The following HCFC2 variants were observed in gnomAD, a reference collection of about 807,000 sequenced individuals.
HCFC2 encodes host cell factor 2.
HCFC2 carries 18 observed loss-of-function variants against 89.2 expected under a neutral mutation model. The observed-to-expected ratio is 0.20, with a 90% CI of 0.14 to 0.30. The LOEUF (loss-of-function observed/expected upper bound fraction) is 0.30, where lower values mean the gene tolerates loss of function less well. Among genes scored for constraint, HCFC2 ranks in the 10% least tolerant of loss-of-function variants. HCFC2 has a pLI of 1.00. For missense variants in HCFC2, 578 were observed against 956.1 expected, an observed-to-expected ratio of 0.60 and a Z score of 5.21; for synonymous variants, 308 against 335.7, an observed-to-expected ratio of 0.92 and a Z score of 0.90.
chr12:104,106,406 CT>C lies in HCFC2; in HGVS notation c.*3136del, dbSNP rs2030085433. The stretch of plus-strand genomic sequence containing the variant: ...AAGTAGCTTGCAAAATAGACTTGGT[CT>C]TTGACCCTTTAAGGTGTAACTGACT... On this transcript the variant is annotated 3_prime_UTR_variant, in exon 15 of 15. Transcript: ENST00000229330. 1.3e-5 allele frequency: 2 copies of C among 152,234 alleles called. No individual in the cohort carries two copies. Among genetic ancestry groups the C allele is most frequent in the South Asian group, 4.1e-4 (2 of 4,824 alleles). 9.4% of individuals were successfully genotyped at this position (152,234 alleles called of 1,614,324 possible). A position where few individuals can be genotyped will look rare whatever the true frequency, so the allele number is the denominator to read the frequency against.
At chr12:104,081,456 A>G (rs2136608904) in intron 5 of HCFC2, among the ~76,000 whole-genome samples, 1 of 152,350 alleles carries the variant, frequency 6.6e-6, no homozygotes, top group Non-Finnish European at 1.5e-5. Flanking sequence ...TGTTACTACC[A>G]TCAACAAATT....
chr12:104,103,995 C>T lies in HCFC2; in HGVS notation c.*722C>T, dbSNP rs1261419455. On this transcript the variant is annotated 3_prime_UTR_variant, in exon 15 of 15. Coordinates refer to ENST00000229330, the MANE Select transcript of HCFC2 (RefSeq NM_013320.3). ...TATCTGGCCCTCATTTTCCTCATAA[C>T]AGATGAGGGAGTTAAAGCAGTTTAT... 6 of 152,048 alleles carry T rather than the reference C, an allele frequency of 3.9e-5. No individual in the cohort carries two copies. Among genetic ancestry groups the T allele is most frequent in the Admixed American group, 1.3e-4 (2 of 15,268 alleles). The allele number at this position is 152,048 out of a possible 1,614,324, so 9.4% of individuals were successfully genotyped here.
Position 104,086,873 on chromosome 12 carries a change from C to CAGCT in HCFC2, c.1091_1094dup (p.Ile366AlafsTer15). 6.2e-7 allele frequency: 1 copy of CAGCT among 1,613,824 alleles called. No homozygotes were observed. The highest frequency in any genetic ancestry group is 8.5e-7 in the Non-Finnish European group (1 of 1,179,782). ...GAAACCACCGGCACCATCTCAAGTA[C>CAGCT]AGCTGATCAAAGCCACTACCAACTC... On this transcript the variant is annotated frameshift_variant, in exon 8 of 15. Transcript: ENST00000229330. LOFTEE classifies it high-confidence loss of function.
intron 12 of HCFC2, among the ~76,000 whole-genome samples, chr12:104,096,775 A>G (rs1302497026): frequency 6.6e-6 from 1 of 152,156 alleles, no homozygotes; most frequent in Non-Finnish European, 1.5e-5. Flanking sequence ...ATATTTTTCT[A>G]TAATGCAATG....
chr12:104,087,427 GTGTGTGTGTGTGTGTA>G (rs1160126050), intron 8 of HCFC2, among the ~76,000 whole-genome samples: 4 of 109,734 alleles, frequency 3.6e-5, no homozygotes, highest in East Asian at 2.4e-4. Context: ...GTGTGTGTGT[GTGTGTGTGTGTGTGTA>G]TGTGTGTGTG....
Position 104,079,479 on chromosome 12 carries a change from C to G in HCFC2, c.508C>G (p.His170Asp), listed in dbSNP as rs202081777. The G allele has an allele frequency of 5.3e-5, 85 of 1,614,068 alleles. 1 individual carries two copies. The highest frequency in any genetic ancestry group is 4.2e-6 in the Non-Finnish European group (5 of 1,179,948). Residue 170 changes from histidine to aspartate, a missense_variant, in exon 4 of 15, where the codon CAT becomes GAT. Coordinates refer to ENST00000229330, the MANE Select transcript of HCFC2 (RefSeq NM_013320.3). ...TGATTTTTATGAGTTGGAGCTACAG[C>G]ATGGCTCTGGTGTTGTGGGTTGGAG... Reference protein sequence around the residue: ...LNDFYELELQHGSGVVGWSIP... With the variant: ...LNDFYELELQDGSGVVGWSIP...
chr12:104,084,863 G>T (rs1883789351), intron 7 of HCFC2, among the ~76,000 whole-genome samples: 1 of 152,180 alleles, frequency 6.6e-6, no homozygotes, highest in South Asian at 2.1e-4. Flanking sequence ...GCAAGTGAAA[G>T]AAAGGGAAGA....
Position 104,098,540 on chromosome 12 carries a change from C to A in HCFC2, c.1878+60C>A. On this transcript the variant is annotated intron_variant, in intron 13 of 14. Transcript: ENST00000229330. ...TAAGCCTCAAGGATGAGATTTTTCT[C>A]TACCAATAACTTAGGGAAAGGAAAA... 5 of 1,450,124 alleles carry A rather than the reference C, an allele frequency of 3.4e-6. No homozygotes were observed. The South Asian group carries it at 4.2e-5, about 12-fold the overall frequency. 89.8% of individuals were successfully genotyped at this position (1,450,124 alleles called of 1,614,324 possible).
chr12:104,093,018 A>G (rs1285235903), intron 9 of HCFC2, among the ~76,000 whole-genome samples: 2 of 152,156 alleles, frequency 1.3e-5, no homozygotes, highest in Non-Finnish European at 2.9e-5. Flanking sequence ...TATTTTTAGG[A>G]TACATGTCTG....
At chr12:104,081,037 G>A (rs1289158006) in intron 5 of HCFC2, among the ~76,000 whole-genome samples, 1 of 152,100 alleles carries the variant, frequency 6.6e-6, no homozygotes, top group Non-Finnish European at 1.5e-5. Context: ...TTACTTCTTT[G>A]CATTCCTTAT....
intron 4 of HCFC2, among the ~76,000 whole-genome samples, chr12:104,080,214 A>T (rs1482871530): frequency 2.0e-5 from 3 of 152,184 alleles, no homozygotes; most frequent in Non-Finnish European, 2.9e-5. Flanking sequence ...CCCTAAGCAC[A>T]CTTATTTATT....
At chr12:104,075,481 C>T (rs1176488229) in intron 3 of HCFC2, among the ~76,000 whole-genome samples, 2 of 118,722 alleles carry the variant, frequency 1.7e-5, no homozygotes, top group South Asian at 2.8e-4. Context: ...TTTTTAGAGG[C>T]AGAATCTCAT....
chr12:104,082,453 G>A, intron 5 of HCFC2, 47 bp from the exon 6 acceptor site: 2 of 1,230,292 alleles, frequency 1.6e-6, no homozygotes, highest in Non-Finnish European at 2.4e-6. Context: ...AATCCAAGAA[G>A]TAAAATGAAA....
chr12:104,068,292 GTCTTT>G lies in HCFC2; in HGVS notation c.473+190_473+194del, dbSNP rs1883212962. On this transcript the variant is annotated intron_variant, in intron 3 of 14. Coordinates refer to ENST00000229330, the MANE Select transcript of HCFC2 (RefSeq NM_013320.3). This position sits in a 1 kb window ranked among gnomAD's most constrained non-coding sequence, Gnocchi z 4.1. ...GGAGCATACTTGTTTTCAAAACTGT[GTCTTT>G]TCTTCAGAAAGCATTGGAGCTAAAA... Among the ~76,000 whole-genome samples the G allele has an allele frequency of 6.6e-6, 1 of 152,056 alleles. No individual in the cohort carries two copies. The highest frequency in any genetic ancestry group is 2.1e-4 in the South Asian group (1 of 4,822).
At chr12:104,066,395 C>A in intron 2 of HCFC2, 80 bp downstream of exon 2, 2 of 1,023,506 alleles carry the variant, frequency 2.0e-6, no homozygotes, top group Non-Finnish European at 2.8e-6. Flanking sequence ...TGCAACATTA[C>A]TAACATTGTT....
In HCFC2 at chr12:104,105,448, G is replaced by T. The variant is rs1403195252; in HGVS notation, c.*2175G>T. ...ATTCAGTTAAGCCTCCACTCTTCTGGATCAGGAGGTGATTCTGAACCTGTG... is the reference window on the plus strand; with the variant it reads ...ATTCAGTTAAGCCTCCACTCTTCTGTATCAGGAGGTGATTCTGAACCTGTG... On this transcript the variant is annotated 3_prime_UTR_variant, in exon 15 of 15. Coordinates refer to ENST00000229330, the MANE Select transcript of HCFC2 (RefSeq NM_013320.3). 3 of 152,030 alleles carry T rather than the reference G, an allele frequency of 2.0e-5. No individual in the cohort carries two copies. Among genetic ancestry groups the T allele is most frequent in the Non-Finnish European group, 2.9e-5 (2 of 67,904 alleles). 9.4% of individuals were successfully genotyped at this position (152,030 alleles called of 1,614,324 possible).
rs76011019 is a variant in HCFC2 at position 104,093,484 on chromosome 12, T to A, written c.1383T>A (p.Asn461Lys). Residue 461 changes from asparagine (N) to lysine (K), a missense_variant, in exon 10 of 15, where the codon AAT (asparagine) becomes AAA (lysine). Transcript: ENST00000229330. ...KPDFKALTDS[N>K]AILYPSLASN... The stretch of plus-strand genomic sequence containing the variant: ...ACTTTAAAGCACTGACGGATTCTAA[T>A]GCCATTTTATATCCATCTTTGGCAT... 8.8e-4 allele frequency: 1,421 copies of A among 1,613,224 alleles called. 13 individuals are homozygous for A. In the African/African-American group the frequency reaches 0.017, roughly 19 times the overall value.
rs937493228 is a variant in HCFC2 at position 104,098,257 on chromosome 12, T to C, written c.1741-86T>C. The C allele has an allele frequency of 8.9e-6, 9 of 1,007,714 alleles. No homozygotes were observed. In the African/African-American group the frequency reaches 1.5e-4, roughly 17 times the overall value. 62.4% of individuals were successfully genotyped at this position (1,007,714 alleles called of 1,614,324 possible). On this transcript the variant is annotated intron_variant, in intron 12 of 14. Transcript: ENST00000229330. ...TGGTGTTTATCCAAATACCTACTTG[T>C]AGATCACTGCATGGACTTATTAAAT...
Position 104,064,756 on chromosome 12 carries a change from G to C in HCFC2, c.163+33G>C. On this transcript the variant is annotated intron_variant, in intron 1 of 14. Transcript: ENST00000229330. This position sits in a 1 kb window ranked among gnomAD's most constrained non-coding sequence, Gnocchi z 7.3. ...CGGCGGCGGCTCGTCGGCCCCGCCT[G>C]CTGGAGCTGCGGAGGGGGAGGGGAG... The C allele has an allele frequency of 6.5e-7, 1 of 1,540,580 alleles. No homozygotes were observed. The highest frequency in any genetic ancestry group is 2.7e-5 in the East Asian group (1 of 37,130).
Sources: allele counts gnomAD v4.1 joint callset (sites outside exome capture counted in the v4.1 genomes callset), GRCh38; gene constraint gnomAD v4.1.1; non-coding constraint Gnocchi (gnomAD v3.1); transcripts MANE v1.5; gene names NCBI Gene and HGNC (gene_info 2026-07-23, HGNC 2026-07-21).